Variants in UXT observed in about 807,000 individuals in gnomAD.
UXT encodes ubiquitously expressed prefoldin like chaperone.
For missense variants in UXT, 111 were observed against 132.7 expected (o/e 0.84, Z 0.80); for synonymous variants, 54 against 52.8 (o/e 1.02, Z -0.10).
intron 5 of UXT, 85 bp downstream of exon 6, chrX:47,651,996 A>G: frequency 1.7e-6 from 2 of 1,182,047 alleles, no homozygotes; most frequent in East Asian, 5.9e-5. Flanking sequence ...AGAGGGAAAG[A>G]TGGTCCTTCC....
intron 2 of UXT, 53 bp from the exon 4 acceptor site, chrX:47,657,692 G>A (rs772276669): frequency 8.4e-7 from 1 of 1,190,332 alleles, no homozygotes; most frequent in Non-Finnish European, 1.1e-6. Flanking sequence ...CTTAGGTCAG[G>A]TGACAGGGTT....
Position 47,651,859 on chromosome X carries a change from C to T in UXT, c.493G>A (p.Glu165Lys). The change falls in exon 6 of 6, where the codon GAG becomes AAG. Residue 165 changes from glutamate to lysine, a missense_variant. Glu to Lys is a moderately conservative substitution (Grantham distance 56). Transcript: ENST00000335890. Reference sequence around the variant, plus strand: ...GGAAGAAGTCAATGGTGAGGCTTCTCTGGGAAATTCTGCAGGCCTTGTAGT... The same window carrying T: ...GGAAGAAGTCAATGGTGAGGCTTCTTTGGGAAATTCTGCAGGCCTTGTAGT... 1 of 1,211,415 alleles carries T rather than the reference C, an allele frequency of 8.3e-7. No homozygotes were observed. The highest frequency in any genetic ancestry group is 1.1e-6 in the Non-Finnish European group (1 of 895,276).
In UXT at chrX:47,651,855, T is replaced by C. The variant is rs1439420101; in HGVS notation, c.497A>G (p.Lys166Arg). Reference sequence around the variant, plus strand: ...GGGGGGAAGAAGTCAATGGTGAGGCTTCTCTGGGAAATTCTGCAGGCCTTG... The same window carrying C: ...GGGGGGAAGAAGTCAATGGTGAGGCCTCTCTGGGAAATTCTGCAGGCCTTG... Residue 166 changes from lysine (K) to arginine (R), a missense_variant, in exon 6 of 6, where the codon AAG (lysine) becomes AGG (arginine). Lys to Arg is a conservative substitution (Grantham distance 26). Transcript: ENST00000335890. The C allele has an allele frequency of 8.3e-7, 1 of 1,211,620 alleles. No individual in the cohort carries two copies. Among genetic ancestry groups the C allele is most frequent in the Non-Finnish European group, 1.1e-6 (1 of 895,317 alleles).
chrX:47,654,215 T>A, intron 4 of UXT: 1 of 399,641 alleles, frequency 2.5e-6, no homozygotes, highest in Non-Finnish European at 3.1e-6. Context: ...ATGCTTTTTT[T>A]TTTTTTTTTG....
chrX:47,656,046 CAA>C (rs201551725), intron 4 of UXT, among the ~76,000 whole-genome samples: 1,759 of 111,858 alleles, frequency 0.016, 34 homozygotes, highest in African/African-American at 0.055. Flanking sequence ...CCACGGAAAC[CAA>C]AAGATTGGAC....
At position 47,651,831 on chromosome X, in the gene UXT, G is replaced by C. The variant is rs1173534279; in HGVS notation, c.*11C>G. 1.7e-6 allele frequency: 2 copies of C among 1,208,143 alleles called. No homozygotes were observed. Among genetic ancestry groups the C allele is most frequent in the Admixed American group, 2.2e-5 (1 of 45,576 alleles). On this transcript the variant is annotated 3_prime_UTR_variant, in exon 6 of 6. Coordinates refer to ENST00000335890, the MANE Select transcript of UXT (RefSeq NM_153477.3). Reference sequence around the variant, plus strand: ...TCAGGCTCTTTAATGTCTGAGGATGGGGGGAAGAAGTCAATGGTGAGGCTT... The same window carrying C: ...TCAGGCTCTTTAATGTCTGAGGATGCGGGGAAGAAGTCAATGGTGAGGCTT...
At position 47,659,098 on chromosome X, in the gene UXT, C is replaced by T; in HGVS notation, c.-135G>A. ...CGGGGACCCGACCACCCAGGGACAC[C>T]CAAGCGCGGCCTTTACCTCAGGCCG... On this transcript the variant is annotated 5_prime_UTR_variant, in exon 1 of 6. Coordinates refer to ENST00000335890, the MANE Select transcript of UXT (RefSeq NM_153477.3). 4.1e-6 allele frequency: 4 copies of T among 985,093 alleles called. No homozygotes were observed. Among genetic ancestry groups the T allele is most frequent in the Non-Finnish European group, 5.6e-6 (4 of 708,209 alleles). The allele number at this position is 985,093 out of a possible 1,213,427, so 81.2% of individuals were successfully genotyped here. A position where few individuals can be genotyped will look rare whatever the true frequency, so the allele number is the denominator to read the frequency against.
At position 47,658,940 on chromosome X, in the gene UXT, G is replaced by A. The variant is rs1055030080; in HGVS notation, c.24C>T (p.Pro8=). Residue 8 remains proline (P), a synonymous_variant, in exon 1 of 6, where the codon CCC becomes CCT. Coordinates refer to ENST00000335890, the MANE Select transcript of UXT (RefSeq NM_153477.3). ...GGGGCGTCGCCATGATGGGCTCCTG[G>A]GGAGTGGGGAGGGGGAAGACCATGT... 1 of 1,206,570 alleles carries A rather than the reference G, an allele frequency of 8.3e-7. No individual in the cohort carries two copies. The highest frequency in any genetic ancestry group is 1.1e-6 in the Non-Finnish European group (1 of 892,677).
intron 4 of UXT, among the ~76,000 whole-genome samples, chrX:47,654,561 CCTTTCTGT>C (rs1325857254): frequency 1.8e-5 from 2 of 111,284 alleles, no homozygotes; most frequent in Non-Finnish European, 3.8e-5. Context: ...GATGTGTACT[CCTTTCTGT>C]GTCATCAGGA....
chrX:47,655,931 A>C (rs755680096), intron 4 of UXT, among the ~76,000 whole-genome samples: 100 of 112,167 alleles, frequency 8.9e-4, no homozygotes, highest in Non-Finnish European at 1.8e-3. Context: ...AACTTTCTTA[A>C]AACATTATGT....
chrX:47,654,587 T>C (rs147123338), intron 4 of UXT, among the ~76,000 whole-genome samples: 3 of 111,718 alleles, frequency 2.7e-5, no homozygotes, highest in Admixed American at 9.5e-5. Context: ...GGAAAGAATA[T>C]AGAGATTTCA....
At chrX:47,654,146 T>G in intron 4 of UXT, 1 of 676,037 alleles carries the variant, frequency 1.5e-6, no homozygotes, top group East Asian at 1.6e-4. Context: ...TTATTTGCTA[T>G]GTGAGAAGCA....
At chrX:47,658,254 T>C (rs980236523) in intron 1 of UXT, among the ~76,000 whole-genome samples, 1 of 111,865 alleles carries the variant, frequency 8.9e-6, no homozygotes, top group African/African-American at 3.3e-5. Context: ...ACTCCAATCA[T>C]AATGTCCCAT....
chrX:47,651,907 G>A lies in UXT; in HGVS notation c.457-12C>T. The A allele has an allele frequency of 8.3e-7, 1 of 1,210,183 alleles. No homozygotes were observed. The highest frequency in any genetic ancestry group is 1.1e-6 in the Non-Finnish European group (1 of 894,633). ...AGTTCTCTAAGCCCCTGAAAAAGAG[G>A]ACAGAAGAGATTGAACAAAGACTGG... On this transcript the variant is annotated splice_polypyrimidine_tract_variant and intron_variant, in intron 5 of 5. Coordinates refer to ENST00000335890, the MANE Select transcript of UXT (RefSeq NM_153477.3).
At chrX:47,658,310 C>A (rs994846150) in intron 1 of UXT, among the ~76,000 whole-genome samples, 2 of 111,624 alleles carry the variant, frequency 1.8e-5, no homozygotes, top group Admixed American at 1.9e-4. Flanking sequence ...TGCTCATAGG[C>A]CTAGTTCTGA....
chrX:47,659,144 T>G lies in UXT; in HGVS notation c.-181A>C. On this transcript the variant is annotated 5_prime_UTR_variant, in exon 1 of 6. Transcript: ENST00000335890. ...GGCCGCCAGCAATAAGAACGGTTGG[T>G]AGGAACCGCGGCTTCCGGGTGGCGC... 1 of 695,166 alleles carries G rather than the reference T, an allele frequency of 1.4e-6. No homozygotes were observed. The highest frequency in any genetic ancestry group is 2.2e-6 in the Non-Finnish European group (1 of 453,224). The allele number at this position is 695,166 out of a possible 1,213,427, so 57.3% of individuals were successfully genotyped here.
intron 4 of UXT, among the ~76,000 whole-genome samples, chrX:47,655,989 C>T (rs974718170): frequency 2.7e-5 from 3 of 111,581 alleles, no homozygotes; most frequent in African/African-American, 9.8e-5. Context: ...CTATCATTAG[C>T]ATTAGTGTAT....
chrX:47,652,051 G>GTCTGGT, intron 5 of UXT, 30 bp downstream of exon 6: 1 of 1,201,095 alleles, frequency 8.3e-7, no homozygotes, highest in Non-Finnish European at 1.1e-6. Flanking sequence ...CCTAAACACA[G>GTCTGGT]AGTCTGGTAG....
intron 4 of UXT, among the ~76,000 whole-genome samples, chrX:47,656,795 C>T (rs1339248293): frequency 9.0e-6 from 1 of 111,653 alleles, no homozygotes; most frequent in African/African-American, 3.3e-5. Flanking sequence ...TCATAGGTAA[C>T]TAGTTTTCTT....
Sources: allele counts gnomAD v4.1 joint callset (sites outside exome capture counted in the v4.1 genomes callset), GRCh38; gene constraint gnomAD v4.1.1; transcripts MANE v1.5; gene names NCBI Gene and HGNC (gene_info 2026-07-23, HGNC 2026-07-21).